The following PPP2R1B variants were observed in gnomAD, a reference collection of about 807,000 sequenced individuals.
PPP2R1B encodes the protein protein phosphatase 2 scaffold subunit Abeta, also known as serine/threonine-protein phosphatase 2A 65 kDa regulatory subunit A beta isoform.
In PPP2R1B, 58 loss-of-function variants were observed where a neutral mutation model predicts 72.7. The ratio of observed to expected loss-of-function variants is 0.80; its 90% CI spans 0.65 to 0.99. PPP2R1B has a LOEUF of 0.99. PPP2R1B is among the 50% of genes least tolerant of loss of function. The pLI, the probability that PPP2R1B is intolerant of heterozygous loss-of-function variation, is 0.00. For synonymous variants in PPP2R1B, 256 were observed against 264.6 expected, an observed-to-expected ratio of 0.97 and a Z score of 0.32; for missense variants, 695 against 733.6, an observed-to-expected ratio of 0.95 and a Z score of 0.61.
rs1555053112 is a variant in PPP2R1B, at chr11:111,766,248, C to G, written c.114G>C (p.Gln38His). The change falls in exon 1 of 15, where the codon CAG becomes CAC. Residue 38 changes from glutamine to histidine, a missense_variant and splice_region_variant. By Grantham distance (24) the Gln-to-His change is conservative (BLOSUM62 0). Transcript: ENST00000527614. The part of the protein sequence containing the change: ...LIDELRNEDV[Q>H]LRLNSIKKLS... Reference sequence around the variant, plus strand: ...CGGGTCCCCGGCCTCAGTCCAGTACCTGCACGTCTTCATTGCGGAGCTCGT... The same window carrying G: ...CGGGTCCCCGGCCTCAGTCCAGTACGTGCACGTCTTCATTGCGGAGCTCGT... 6.2e-7 allele frequency: 1 copy of G among 1,613,948 alleles called. No individual in the cohort carries two copies. The highest frequency in any genetic ancestry group is 8.5e-7 in the Non-Finnish European group (1 of 1,179,880).
Position 111,760,722 on chromosome 11 carries a change from T to C in PPP2R1B, c.539+97A>G, listed in dbSNP as rs553025608. ...GCCACTCATTGGTAACAAGGTACTA[T>C]GTAAATTGTCAGCTACAAGTCCCCA... On this transcript the variant is annotated intron_variant, in intron 4 of 14. Transcript: ENST00000527614. 11 of 1,044,362 alleles carry C rather than the reference T, an allele frequency of 1.1e-5. No individual in the cohort carries two copies. The Admixed American group carries it at 1.8e-4, about 17-fold the overall frequency. 64.7% of individuals were successfully genotyped at this position (1,044,362 alleles called of 1,614,324 possible). A position where few individuals can be genotyped will look rare whatever the true frequency, so the allele number is the denominator to read the frequency against.
At chr11:111,730,458 A>C (rs550791064) in intron 15 of PPP2R1B, 2 of 152,224 alleles carry the variant, frequency 1.3e-5, no homozygotes, top group African/African-American at 4.8e-5. Flanking sequence ...AGGGATACAG[A>C]GATATCTGCA....
chr11:111,761,032 G>C lies in PPP2R1B; in HGVS notation c.326C>G (p.Ala109Gly). Residue 109 changes from alanine (A) to glycine (G), a missense_variant, in exon 4 of 15, where the codon GCA becomes GGA. Ala to Gly is a moderately conservative substitution (Grantham distance 60). Transcript: ENST00000527614. ...ACGAACAACAGTCTCTTCCACAGTT[G>C]CCAGATTTTCCAAAGGAGGCTGAAT... ...HCLLPPLENL[A>G]TVEETVVRDK... The C allele has an allele frequency of 6.2e-7, 1 of 1,614,070 alleles. No individual in the cohort carries two copies. Among genetic ancestry groups the C allele is most frequent in the Non-Finnish European group, 8.5e-7 (1 of 1,179,998 alleles).
chr11:111,694,507 G>A, the PPP2R1B span, among the ~76,000 whole-genome samples: 16 of 152,182 alleles, frequency 1.1e-4, no homozygotes, highest in African/African-American at 2.6e-4. Context: ...AGATGACCTT[G>A]AGTCAAGGTT....
chr11:111,749,447 C>T (rs1405500345), intron 10 of PPP2R1B, among the ~76,000 whole-genome samples: 1 of 151,720 alleles, frequency 6.6e-6, no homozygotes, highest in African/African-American at 2.4e-5. Flanking sequence ...CCACCACACC[C>T]GGCTAAATTT....
At chr11:111,763,110 G>A (rs1945388068) in intron 3 of PPP2R1B, among the ~76,000 whole-genome samples, 1 of 152,154 alleles carries the variant, frequency 6.6e-6, no homozygotes, top group Non-Finnish European at 1.5e-5. Flanking sequence ...TTGAGTGGTT[G>A]GGGAAAACCT....
the PPP2R1B span, chr11:111,712,283 C>A: frequency 1.2e-6 from 2 of 1,614,256 alleles, no homozygotes; most frequent in Non-Finnish European, 1.7e-6. Flanking sequence ...CCTCCTCCCC[C>A]AGGCATCCAA....
chr11:111,734,118 G>A (rs1230956147), downstream of PPP2R1B, among the ~76,000 whole-genome samples: 1 of 152,218 alleles, frequency 6.6e-6, no homozygotes, highest in South Asian at 2.1e-4. Context: ...AATGCAGCCT[G>A]GCCTGGCACT....
At chr11:111,727,942 T>G (rs1004558248) in intron 15 of PPP2R1B, 3 of 152,242 alleles carry the variant, frequency 2.0e-5, no homozygotes, top group African/African-American at 7.2e-5. Flanking sequence ...TGTATTACAT[T>G]TTAAAACCTG....
intron 3 of PPP2R1B, among the ~76,000 whole-genome samples, chr11:111,764,330 TGCCACCAA>T (rs782418976): frequency 8.6e-5 from 13 of 151,986 alleles, no homozygotes; most frequent in East Asian, 7.7e-4. Context: ...TACAGGCTTG[TGCCACCAA>T]GCCCCCTCAC....
chr11:111,710,036 A>T, the PPP2R1B span, among the ~76,000 whole-genome samples: 5 of 152,242 alleles, frequency 3.3e-5, no homozygotes, highest in African/African-American at 1.2e-4. Flanking sequence ...GACTACCTTC[A>T]TAGAGAAGGA....
the PPP2R1B span, among the ~76,000 whole-genome samples, chr11:111,707,593 C>T: frequency 6.6e-6 from 1 of 152,190 alleles, no homozygotes; most frequent in Admixed American, 6.5e-5. Context: ...AGGCCCCCTC[C>T]TCTCAGAGAT....
At chr11:111,741,728 T>C (rs1331442309) in intron 14 of PPP2R1B, 116 bp from the exon 15 acceptor site, 2 of 1,188,782 alleles carry the variant, frequency 1.7e-6, no homozygotes, top group African/African-American at 1.5e-5. Flanking sequence ...CTTCTCACTG[T>C]GGTTACTGTC....
chr11:111,723,793 C>T (rs770326935), downstream of PPP2R1B: 34 of 1,613,824 alleles, frequency 2.1e-5, no homozygotes, highest in Non-Finnish European at 2.7e-5. Context: ...CTCCTCTGCC[C>T]ACGCAGCTAC....
chr11:111,732,296 C>T (rs187564947), intron 15 of PPP2R1B, among the ~76,000 whole-genome samples: 108 of 152,320 alleles, frequency 7.1e-4, no homozygotes, highest in African/African-American at 2.6e-3. Context: ...CCCAGAACTT[C>T]GGACACAGAA....
the PPP2R1B span, chr11:111,705,170 G>A: frequency 6.6e-7 from 1 of 1,515,312 alleles, no homozygotes; most frequent in Non-Finnish European, 8.8e-7. This position sits in a 1 kb window ranked among gnomAD's most constrained non-coding sequence, Gnocchi z 4.3. Flanking sequence ...AGTCTTATCT[G>A]TGCATGTGCC....
At chr11:111,705,145 GC>G in the PPP2R1B span, 1 of 1,554,538 alleles carries the variant, frequency 6.4e-7, no homozygotes, top group Non-Finnish European at 8.6e-7. The surrounding 1 kb of genome is among the most constrained non-coding windows in gnomAD (Gnocchi z 4.3). Flanking sequence ...CCAAGGTAAT[GC>G]CCCCTTAGCT....
chr11:111,743,526 G>A lies in PPP2R1B; in HGVS notation c.1404C>T (p.Tyr468=), dbSNP rs777446528. Residue 468 remains tyrosine, a synonymous_variant, in exon 12 of 15, where the codon TAC becomes TAT. Transcript: ENST00000527614. ...LCMAWLVDHV[Y]AIREAATNNL... The stretch of plus-strand genomic sequence containing the variant: ...TGTTGGTGGCAGCTTCTCGGATGGC[G>A]TATACTGCAGAAGAGGTCAAAAACA... 2.1e-5 allele frequency: 34 copies of A among 1,611,352 alleles called. No homozygotes were observed. The highest frequency in any genetic ancestry group is 3.4e-5 in the Admixed American group (2 of 59,120).
At chr11:111,723,333 G>A (rs548416898), downstream of PPP2R1B, among the ~76,000 whole-genome samples, 1 of 152,340 alleles carries the variant, frequency 6.6e-6, no homozygotes, top group East Asian at 1.9e-4. Context: ...ATGAGATTAG[G>A]TTTAAGAGAC....
Sources: gnomAD v4.1 joint callset for allele counts (sites outside exome capture counted in the v4.1 genomes callset) on GRCh38, gnomAD v4.1.1 for gene constraint, Gnocchi (gnomAD v3.1) non-coding constraint, MANE v1.5 for transcripts, NCBI Gene and HGNC (gene_info 2026-07-23, HGNC 2026-07-21) for gene names.